MXRA7: variants seen among roughly 807,000 people sequenced by gnomAD.
MXRA7 encodes the protein matrix remodeling associated 7, also known as matrix-remodeling-associated protein 7.
Under a neutral mutation model 17.4 loss-of-function variants are expected in MXRA7, and 18 were observed. That is an observed-to-expected ratio of 1.03 (90% CI 0.71 to 1.53). The LOEUF is 1.53. MXRA7 is among the 40% of genes most tolerant of loss of function. The pLI is 0.00. For missense variants in MXRA7, 141 were observed against 209.3 expected (o/e 0.67, Z 2.01); for synonymous variants, 70 against 101.7 (o/e 0.69, Z 1.87).
At chr17:76,701,147 G>C (rs191926578) in intron 1 of MXRA7, among the ~76,000 whole-genome samples, 1 of 152,058 alleles carries the variant, frequency 6.6e-6, no homozygotes, top group African/African-American at 2.4e-5. Flanking sequence ...AGCCTGGCAG[G>C]GGTGGGGAGG....
At chr17:76,678,412 A>C (rs549401777), downstream of MXRA7, among the ~76,000 whole-genome samples, 2 of 152,330 alleles carry the variant, frequency 1.3e-5, no homozygotes, top group South Asian at 4.1e-4. Flanking sequence ...CAGCTACACC[A>C]TCTGACCAGC....
At chr17:76,704,200 A>ATTTT (rs1162372827) in intron 1 of MXRA7, among the ~76,000 whole-genome samples, 26 of 63,434 alleles carry the variant, frequency 4.1e-4, no homozygotes, top group African/African-American at 6.2e-4. Context: ...CTTCCTTCAG[A>ATTTT]TTTTTTTTTT....
At chr17:76,692,544 C>T (rs750484969) in intron 1 of MXRA7, among the ~76,000 whole-genome samples, 2 of 151,634 alleles carry the variant, frequency 1.3e-5, no homozygotes, top group South Asian at 4.2e-4. Context: ...TGGGCCACCG[C>T]GCCCGGCCTG....
At chr17:76,687,201 C>A (rs1414354706) in intron 2 of MXRA7, among the ~76,000 whole-genome samples, 2 of 152,200 alleles carry the variant, frequency 1.3e-5, no homozygotes, top group Non-Finnish European at 2.9e-5. Flanking sequence ...CACCTGCAGC[C>A]CACCGCCTGC....
intron 1 of MXRA7, among the ~76,000 whole-genome samples, chr17:76,701,359 G>GA (rs985916684): frequency 4.0e-5 from 6 of 151,590 alleles, no homozygotes; most frequent in African/African-American, 1.5e-4. Context: ...CTGAGCGTCG[G>GA]GGGGGTGGAT....
At chr17:76,702,170 C>G (rs2076598062) in intron 1 of MXRA7, among the ~76,000 whole-genome samples, 1 of 152,070 alleles carries the variant, frequency 6.6e-6, no homozygotes, top group Non-Finnish European at 1.5e-5. Context: ...TGGGGGAAAA[C>G]CAGGTTGAAC....
chr17:76,677,609 C>T (rs1336862024), downstream of MXRA7: 1 of 1,612,176 alleles, frequency 6.2e-7, no homozygotes, highest in Non-Finnish European at 8.5e-7. Context: ...AGAGCCGGAG[C>T]TGCTCCTGCA....
chr17:76,703,263 T>C (rs1175284303), intron 1 of MXRA7, among the ~76,000 whole-genome samples: 3 of 151,974 alleles, frequency 2.0e-5, no homozygotes, highest in Non-Finnish European at 2.9e-5. Flanking sequence ...GGTCAGCGGG[T>C]TATAAATGTG....
intron 1 of MXRA7, among the ~76,000 whole-genome samples, chr17:76,704,777 G>A (rs1198477818): frequency 1.3e-4 from 12 of 94,224 alleles, no homozygotes; most frequent in Non-Finnish European, 2.0e-4. Flanking sequence ...GCAAAACTCC[G>A]TCTCAAAAAA....
chr17:76,706,176 G>GAGGCCCACGCTGCCGTCACAA (rs2076654101), intron 1 of MXRA7, among the ~76,000 whole-genome samples: 1 of 135,336 alleles, frequency 7.4e-6, no homozygotes, highest in Admixed American at 7.4e-5. Flanking sequence ...TGCCGTCACA[G>GAGGCCCACGCTGCCGTCACAA]AGGCCCACGC....
rs1164275269 is a variant in MXRA7, at chr17:76,681,136, TCAGCCTCTG to T, written c.501-266_501-258del. Among the ~76,000 whole-genome samples the T allele has an allele frequency of 1.3e-5, 2 of 152,200 alleles. No individual in the cohort carries two copies. Among genetic ancestry groups the T allele is most frequent in the Admixed American group, 1.3e-4 (2 of 15,284 alleles). ...GAACCTGGCAGCCCACAGACCCTGT[TCAGCCTCTG>T]CAGGGTACTTAAGGAAGGAACTTGG... On this transcript the variant is annotated intron_variant, in intron 3 of 3. Transcript: ENST00000449428. This position sits in a 1 kb window ranked among gnomAD's most constrained non-coding sequence, Gnocchi z 4.7.
At chr17:76,702,881 A>ATATATATATATATATATATATATATACG (rs2076610172) in intron 1 of MXRA7, among the ~76,000 whole-genome samples, 1 of 149,554 alleles carries the variant, frequency 6.7e-6, no homozygotes, top group East Asian at 2.0e-4. Flanking sequence ...ACGTATATAT[A>ATATATATATATATATATATATATATACG]TATATATATC....
At chr17:76,699,904 G>A (rs34122063) in intron 1 of MXRA7, among the ~76,000 whole-genome samples, 60,267 of 152,022 alleles carry the variant, frequency 0.4, 12,825 homozygotes, top group Middle Eastern at 0.51. Flanking sequence ...TATGTCCTGG[G>A]CTTCCATAAG....
intron 1 of MXRA7, among the ~76,000 whole-genome samples, chr17:76,704,576 G>C (rs1230060845): frequency 6.6e-6 from 1 of 150,462 alleles, no homozygotes; most frequent in East Asian, 2.0e-4. Flanking sequence ...TTTGAGGCCA[G>C]GAGTTCAAGA....
chr17:76,710,293 C>G (rs1472169148), intron 1 of MXRA7, among the ~76,000 whole-genome samples: 2 of 152,164 alleles, frequency 1.3e-5, no homozygotes, highest in African/African-American at 4.8e-5. Context: ...GCCCTGGTCC[C>G]GAGGCCTGGG....
downstream of MXRA7, chr17:76,677,628 T>C (rs754954154): frequency 2.5e-5 from 40 of 1,613,344 alleles, no homozygotes; most frequent in Admixed American, 3.3e-5. Flanking sequence ...CACGTCGCCG[T>C]CGGACATCTC....
intron 2 of MXRA7, 113 bp downstream of exon 2, chr17:76,688,000 C>G: frequency 9.6e-6 from 7 of 726,234 alleles, no homozygotes; most frequent in African/African-American, 1.7e-5. Context: ...AGGCCACTGT[C>G]CCACCCCATC....
intron 1 of MXRA7, among the ~76,000 whole-genome samples, chr17:76,701,258 A>C (rs974956971): frequency 9.9e-5 from 15 of 151,954 alleles, no homozygotes; most frequent in Non-Finnish European, 1.5e-4. Context: ...CACACTCTGG[A>C]GAGAGGTGAC....
At chr17:76,687,266 A>G (rs1212760823) in intron 2 of MXRA7, among the ~76,000 whole-genome samples, 1 of 152,202 alleles carries the variant, frequency 6.6e-6, no homozygotes, top group Non-Finnish European at 1.5e-5. Context: ...AAACCAAGGC[A>G]CTGCCTCAGG....
Sources: gnomAD v4.1 joint callset for allele counts (sites outside exome capture counted in the v4.1 genomes callset) on GRCh38, gnomAD v4.1.1 for gene constraint, Gnocchi (gnomAD v3.1) non-coding constraint, MANE v1.5 for transcripts, NCBI Gene and HGNC (gene_info 2026-07-23, HGNC 2026-07-21) for gene names.